The following KRT24 variants were observed in gnomAD, a reference collection of about 807,000 sequenced individuals.
KRT24 encodes the protein keratin, type I cytoskeletal 24.
In KRT24, 44 loss-of-function variants were observed where a neutral mutation model predicts 51.7. The observed-to-expected ratio is 0.85, with a 90% CI of 0.67 to 1.09. The LOEUF (loss-of-function observed/expected upper bound fraction) is 1.09, where lower values mean the gene tolerates loss of function less well. KRT24 is among the 50% of genes least tolerant of loss of function. The pLI is 0.00. For synonymous variants in KRT24, 241 were observed against 249.5 expected (o/e 0.97, Z 0.32); for missense variants, 633 against 647.0 (o/e 0.98, Z 0.24).
intron 2 of KRT24, 70 bp downstream of exon 2, chr17:40,701,761 ATATATATATATATATATATT>A (rs1188824973): frequency 2.7e-4 from 11 of 40,878 alleles, no homozygotes; most frequent in Non-Finnish European, 4.5e-4. Flanking sequence ...ATATATATAT[ATATATATATATATATATATT>A]TATTTATAAA....
Position 40,703,620 on chromosome 17 carries a change from C to T in KRT24, c.74G>A (p.Ser25Asn). The change falls in exon 1 of 8, where the codon AGC (serine) becomes AAC (asparagine). Residue 25 changes from serine to asparagine, a missense_variant. Transcript: ENST00000264651. Reference protein sequence around the residue: ...SSSARVSAGGSSFSSGSRCGL... With the variant: ...SSSARVSAGGNSFSSGSRCGL... Reference sequence around the variant, plus strand: ...ACATCTGCTTCCACTGCTGAAGCTGCTTCCACCAGCAGACACCCTGGCTGA... The same window carrying T: ...ACATCTGCTTCCACTGCTGAAGCTGTTTCCACCAGCAGACACCCTGGCTGA... The T allele has an allele frequency of 6.2e-7, 1 of 1,611,848 alleles. No individual in the cohort carries two copies. Among genetic ancestry groups the T allele is most frequent in the Non-Finnish European group, 8.5e-7 (1 of 1,179,070 alleles).
chr17:40,701,395 G>T (rs2037675983), intron 2 of KRT24, 99 bp from the exon 3 acceptor site: 3 of 952,756 alleles, frequency 3.1e-6, no homozygotes, highest in Non-Finnish European at 4.5e-6. Context: ...GTTCTCACTT[G>T]TGGGCATTTT....
rs769419981 is a variant in KRT24, at chr17:40,701,142, C to T, written c.853G>A (p.Glu285Lys). 4 of 1,613,532 alleles carry T rather than the reference C, an allele frequency of 2.5e-6. No homozygotes were observed. Among genetic ancestry groups the T allele is most frequent in the East Asian group, 4.5e-5 (2 of 44,882 alleles). ...ELAYLRKNHE[E>K]EMKNMQGSSG... ...GTTTATGTAGAACATGTTCCTACCT[C>T]CTCGTGGTTCTTCCTCAGGTAGGCT... The change falls in exon 3 of 8, where the codon GAG (glutamate) becomes AAG (lysine). Residue 285 changes from glutamate to lysine, a missense_variant and splice_region_variant. By Grantham distance (56) the Glu-to-Lys change is moderately conservative. Transcript: ENST00000264651.
At position 40,703,407 on chromosome 17, in the gene KRT24, AC is replaced by A; in HGVS notation, c.286del (p.Val96SerfsTer60). 6.2e-7 allele frequency: 1 copy of A among 1,609,160 alleles called. No homozygotes were observed. Among genetic ancestry groups the A allele is most frequent in the Non-Finnish European group, 8.5e-7 (1 of 1,176,112 alleles). The part of the protein sequence containing the change: ...GFGGGSSFGG[V>X]SGFGRGSGFC... ...TCCAGAACCCCTGCCAAATCCAGAG[AC>A]CCCGCCAAAGCTAGAACCCCCACCA... On this transcript the variant is annotated frameshift_variant, in exon 1 of 8. Transcript: ENST00000264651. LOFTEE classifies it high-confidence loss of function.
Position 40,699,600 on chromosome 17 carries a change from T to A in KRT24, c.1205A>T (p.Glu402Val). ...TEAGYVAQLS[E>V]IQTQISALEE... ...CAGGGCACTGATCTGCGTTTGAATTTCTGACAGCTGAGCCACGTAGCCAGC... is the reference window on the plus strand; with the variant it reads ...CAGGGCACTGATCTGCGTTTGAATTACTGACAGCTGAGCCACGTAGCCAGC... Residue 402 changes from glutamate (E) to valine (V), a missense_variant, in exon 6 of 8, where the codon GAA becomes GTA. Coordinates refer to ENST00000264651, the MANE Select transcript of KRT24 (RefSeq NM_019016.3). 6.2e-7 allele frequency: 1 copy of A among 1,614,234 alleles called. No individual in the cohort carries two copies. The highest frequency in any genetic ancestry group is 8.5e-7 in the Non-Finnish European group (1 of 1,180,024).
chr17:40,701,306 G>A lies in KRT24; in HGVS notation c.699-10C>T, dbSNP rs1286799332. 1.2e-6 allele frequency: 2 copies of A among 1,610,194 alleles called. No homozygotes were observed. The highest frequency in any genetic ancestry group is 1.3e-5 in the African/African-American group (1 of 74,730). ...CAGCTCGTTCTCATACCTGGAAGGG[G>A]CAGCAGTAAGGCAAAAAATACTGTG... On this transcript the variant is annotated splice_polypyrimidine_tract_variant and intron_variant, in intron 2 of 7. Coordinates refer to ENST00000264651, the MANE Select transcript of KRT24 (RefSeq NM_019016.3).
At position 40,700,876 on chromosome 17, in the gene KRT24, C is replaced by T. The variant is rs558178477; in HGVS notation, c.855+264G>A. On this transcript the variant is annotated intron_variant, in intron 3 of 7. Coordinates refer to ENST00000264651, the MANE Select transcript of KRT24 (RefSeq NM_019016.3). ...TTGGCCTCCCAGAGTGCTGAGATTA[C>T]AGGCATAAGCCACCGTGCCAGGCCT... Among the ~76,000 whole-genome samples, 107 of 152,240 alleles carry T rather than the reference C, an allele frequency of 7.0e-4. 1 individual carries two copies. Among genetic ancestry groups the T allele is most frequent in the Middle Eastern group, 3.4e-3 (1 of 294 alleles).
chr17:40,703,729 A>AG lies in KRT24; in HGVS notation c.-37dup. The AG allele has an allele frequency of 6.6e-7, 1 of 1,522,550 alleles. No homozygotes were observed. Among genetic ancestry groups the AG allele is most frequent in the Non-Finnish European group, 8.8e-7 (1 of 1,136,714 alleles). 94.3% of individuals were successfully genotyped at this position (1,522,550 alleles called of 1,614,324 possible). ...CAAACATGAGCTTGTCCAGGCGAAT[A>AG]GGAGAGGTGATGACGAAGAGTGTAT... On this transcript the variant is annotated 5_prime_UTR_variant, in exon 1 of 8. Coordinates refer to ENST00000264651, the MANE Select transcript of KRT24 (RefSeq NM_019016.3).
chr17:40,699,751 C>T, intron 5 of KRT24, 90 bp from the exon 6 acceptor site: 1 of 1,149,598 alleles, frequency 8.7e-7, no homozygotes, highest in Non-Finnish European at 1.3e-6. Flanking sequence ...ACTAGAAGTG[C>T]ACCTTCGCCA....
At chr17:40,698,474 G>A (rs1470467339) in intron 7 of KRT24, 64 bp downstream of exon 7, 2 of 1,168,406 alleles carry the variant, frequency 1.7e-6, no homozygotes, top group Non-Finnish European at 2.5e-6. Flanking sequence ...CTTTTAGTAT[G>A]ACAAGCAAAG....
At position 40,699,509 on chromosome 17, in the gene KRT24, C is replaced by T. The variant is rs1449543929; in HGVS notation, c.1296G>A (p.Leu432=). Residue 432 remains leucine, a synonymous_variant, in exon 6 of 8, where the codon CTG becomes CTA. Transcript: ENST00000264651. The part of the protein sequence containing the change: ...KCQNAEYKQL[L]DIKTRLEVEI... ...CCACCTCCAGGCGTGTCTTGATGTCCAGCAATTGCTTGTACTCTGCGTTCT... is the reference window on the plus strand; with the variant it reads ...CCACCTCCAGGCGTGTCTTGATGTCTAGCAATTGCTTGTACTCTGCGTTCT... The T allele has an allele frequency of 1.2e-6, 2 of 1,613,888 alleles. No individual in the cohort carries two copies. Among genetic ancestry groups the T allele is most frequent in the Non-Finnish European group, 1.7e-6 (2 of 1,179,900 alleles).
Position 40,698,656 on chromosome 17 carries a change from G to GA in KRT24, c.1362-7dup. 2.9e-6 allele frequency: 4 copies of GA among 1,389,040 alleles called. No individual in the cohort carries two copies. Among genetic ancestry groups the GA allele is most frequent in the Non-Finnish European group, 4.1e-6 (4 of 980,786 alleles). 86.0% of individuals were successfully genotyped at this position (1,389,040 alleles called of 1,614,324 possible). The stretch of plus-strand genomic sequence containing the variant: ...ATTCTGCAAAACTAGAACCACTGGA[G>GA]AAAAAAAGAATTATGTTTTCCTTTG... On this transcript the variant is annotated splice_region_variant and splice_polypyrimidine_tract_variant and intron_variant, in intron 6 of 7. Transcript: ENST00000264651.
Position 40,703,319 on chromosome 17 carries a change from A to G in KRT24, c.375T>C (p.Gly125=), listed in dbSNP as rs371229923. The G allele has an allele frequency of 9.3e-6, 15 of 1,613,786 alleles. No individual in the cohort carries two copies. Among genetic ancestry groups the G allele is most frequent in the Admixed American group, 3.3e-5 (2 of 59,984 alleles). The change falls in exon 1 of 8, where the codon GGT becomes GGC. Residue 125 remains glycine, a synonymous_variant. Coordinates refer to ENST00000264651, the MANE Select transcript of KRT24 (RefSeq NM_019016.3). ...CCCCATCGCCAACACCACCTCCCATACCACCACCATAGCTGTAGAAGCCTC... is the reference window on the plus strand; with the variant it reads ...CCCCATCGCCAACACCACCTCCCATGCCACCACCATAGCTGTAGAAGCCTC... ...ATGGFYSYGG[G]MGGGVGDGGL...
intron 3 of KRT24, among the ~76,000 whole-genome samples, chr17:40,700,669 C>T (rs563768673): frequency 1.3e-5 from 2 of 152,178 alleles, no homozygotes; most frequent in South Asian, 4.2e-4. Flanking sequence ...TCTCGGCTCA[C>T]TGCAAACTCC....
At chr17:40,701,397 G>T in intron 2 of KRT24, 101 bp from the exon 3 acceptor site, 1 of 928,620 alleles carries the variant, frequency 1.1e-6, no homozygotes, top group Non-Finnish European at 1.5e-6. Context: ...TCTCACTTGT[G>T]GGCATTTTAA....
rs143897454 is a variant in KRT24 at position 40,698,626 on chromosome 17, A to G, written c.1386T>C (p.Gly462=). Reference sequence around the variant, plus strand: ...TGTTTACAGATCCTGAGTTTCTACCACCAAATTCTGCAAAACTAGAACCAC... The same window carrying G: ...TGTTTACAGATCCTGAGTTTCTACCGCCAAATTCTGCAAAACTAGAACCAC... ...EGGGSSFAEF[G]GRNSGSVNMG... The change falls in exon 7 of 8, where the codon GGT becomes GGC. Residue 462 remains glycine, a synonymous_variant. Transcript: ENST00000264651. 4 of 1,605,410 alleles carry G rather than the reference A, an allele frequency of 2.5e-6. No homozygotes were observed. Among genetic ancestry groups the G allele is most frequent in the Non-Finnish European group, 8.5e-7 (1 of 1,172,498 alleles).
intron 3 of KRT24, 57 bp downstream of exon 3, chr17:40,701,083 C>T (rs1351379814): frequency 3.9e-6 from 6 of 1,549,624 alleles, no homozygotes; most frequent in Non-Finnish European, 5.3e-6. Flanking sequence ...GTATAGAATG[C>T]ATATGGGGAG....
intron 6 of KRT24, 39 bp downstream of exon 6, chr17:40,699,405 T>C: frequency 6.6e-7 from 1 of 1,524,096 alleles, no homozygotes; most frequent in South Asian, 1.1e-5. Flanking sequence ...ATAAATTCAC[T>C]AAGGTATGCA....
At position 40,698,230 on chromosome 17, in the gene KRT24, A is replaced by G; in HGVS notation, c.*7T>C. 1 of 1,578,416 alleles carries G rather than the reference A, an allele frequency of 6.3e-7. No homozygotes were observed. The highest frequency in any genetic ancestry group is 8.7e-7 in the Non-Finnish European group (1 of 1,149,068). ...TTGAAAGACACTTTTGTTGATCTGG[A>G]AGTTCCTTATTTAACTTTCACCTCA... On this transcript the variant is annotated 3_prime_UTR_variant, in exon 8 of 8. Transcript: ENST00000264651.
Sources: gnomAD v4.1 joint callset for allele counts (sites outside exome capture counted in the v4.1 genomes callset) on GRCh38, gnomAD v4.1.1 for gene constraint, MANE v1.5 for transcripts, NCBI Gene and HGNC (gene_info 2026-07-23, HGNC 2026-07-21) for gene names.